Variants in PALLD observed in about 807,000 individuals in gnomAD.
PALLD encodes palladin.
PALLD carries 61 observed loss-of-function variants against 123.5 expected under a neutral mutation model. The ratio of observed to expected loss-of-function variants is 0.49; its 90% confidence interval spans 0.40 to 0.61. The LOEUF is 0.61. Among genes scored for constraint, PALLD ranks in the 20% least tolerant of loss-of-function variants. The probability of loss-of-function intolerance (pLI) is 0.00; values close to 1 mark genes in which losing one functional copy is unlikely to be tolerated. For missense variants in PALLD, 1,273 were observed against 1,377.0 expected, an observed-to-expected ratio of 0.92 and a Z score of 1.20; for synonymous variants, 465 against 496.4, an observed-to-expected ratio of 0.94 and a Z score of 0.84.
At chr4:168,738,847 G>T (rs1161115049) in intron 10 of PALLD, among the ~76,000 whole-genome samples, 2 of 151,288 alleles carry the variant, frequency 1.3e-5, no homozygotes, top group African/African-American at 4.9e-5. Context: ...ATTACAGATG[G>T]CAACATTAAT....
At chr4:168,816,824 G>C (rs1363619119) in intron 10 of PALLD, among the ~76,000 whole-genome samples, 2 of 3,598 alleles carry the variant, frequency 5.6e-4, no homozygotes, top group African/African-American at 4.2e-3. Context: ...CCCCGTGTGT[G>C]TGTGTGTGTG....
At chr4:168,573,867 T>A (rs541701040) in intron 2 of PALLD, among the ~76,000 whole-genome samples, 1 of 152,240 alleles carries the variant, frequency 6.6e-6, no homozygotes, top group Admixed American at 6.5e-5. Flanking sequence ...GATCACTATG[T>A]TCATTTATCC....
intron 10 of PALLD, among the ~76,000 whole-genome samples, chr4:168,791,226 A>T (rs1737476746): frequency 6.6e-6 from 1 of 152,122 alleles, no homozygotes; most frequent in African/African-American, 2.4e-5. Flanking sequence ...CCCTAATCAC[A>T]TGTCCCTCTG....
intron 1 of PALLD, among the ~76,000 whole-genome samples, chr4:168,507,856 T>A (rs1357733361): frequency 6.6e-6 from 1 of 152,194 alleles, no homozygotes. Flanking sequence ...TCCAGATAGA[T>A]TTCTGTTTAG....
At chr4:168,913,058 T>G (rs1269346186) in intron 15 of PALLD, among the ~76,000 whole-genome samples, 2 of 152,054 alleles carry the variant, frequency 1.3e-5, no homozygotes, top group Non-Finnish European at 2.9e-5. Flanking sequence ...CTCCTTATCA[T>G]CCCACGCATA....
At chr4:168,838,606 G>A (rs1359667918) in intron 10 of PALLD, among the ~76,000 whole-genome samples, 1 of 145,678 alleles carries the variant, frequency 6.9e-6, no homozygotes, top group Non-Finnish European at 1.5e-5. Context: ...TCCTTCCACA[G>A]TATATTGGAG....
intron 10 of PALLD, among the ~76,000 whole-genome samples, chr4:168,764,840 TG>T (rs1381453290): frequency 7.2e-5 from 11 of 152,144 alleles, no homozygotes; most frequent in Non-Finnish European, 1.6e-4. Flanking sequence ...TGGCTCCAGG[TG>T]TCAATAAACA....
intron 2 of PALLD, among the ~76,000 whole-genome samples, chr4:168,626,421 A>AAG (rs1561319309): frequency 1.4e-5 from 2 of 139,430 alleles, no homozygotes; most frequent in African/African-American, 2.7e-5. Context: ...AAAAAAAAAA[A>AAG]GGTGGTGACT....
At chr4:168,647,267 T>C (rs1238869002) in intron 2 of PALLD, among the ~76,000 whole-genome samples, 1 of 152,210 alleles carries the variant, frequency 6.6e-6, no homozygotes, top group African/African-American at 2.4e-5. Context: ...AGTTAGGATC[T>C]AGTAAGTTCT....
intron 2 of PALLD, among the ~76,000 whole-genome samples, chr4:168,556,196 C>A (rs1312117382): frequency 6.6e-6 from 1 of 151,952 alleles, no homozygotes; most frequent in Non-Finnish European, 1.5e-5. Flanking sequence ...CCCGGGTTCA[C>A]GCCATTCTCC....
intron 10 of PALLD, among the ~76,000 whole-genome samples, chr4:168,729,222 A>C (rs946621690): frequency 6.6e-6 from 1 of 152,060 alleles, no homozygotes; most frequent in African/African-American, 2.4e-5. Flanking sequence ...ATGGGCAACT[A>C]CTGTGCTTTT....
chr4:168,799,376 A>T (rs1027752036), intron 10 of PALLD, among the ~76,000 whole-genome samples: 1 of 152,192 alleles, frequency 6.6e-6, no homozygotes, highest in African/African-American at 2.4e-5. Flanking sequence ...TGCTTTGTCC[A>T]GGGTAGTCAG....
intron 2 of PALLD, among the ~76,000 whole-genome samples, chr4:168,574,144 A>T (rs1769284106): frequency 6.6e-6 from 1 of 152,132 alleles, no homozygotes; most frequent in South Asian, 2.1e-4. Flanking sequence ...TTGCATAGTT[A>T]AAAACATGAC....
At chr4:168,891,867 A>C (rs1754200929) in intron 11 of PALLD, among the ~76,000 whole-genome samples, 1 of 152,168 alleles carries the variant, frequency 6.6e-6, no homozygotes, top group African/African-American at 2.4e-5. Flanking sequence ...TCTACTAGAG[A>C]AACCATTGGG....
chr4:168,599,315 T>C (rs1388952390), intron 2 of PALLD, among the ~76,000 whole-genome samples: 2 of 152,212 alleles, frequency 1.3e-5, no homozygotes, highest in African/African-American at 4.8e-5. Context: ...TGGCTTACTA[T>C]AAATATTCCT....
At chr4:168,669,508 AG>A (rs2150019107) in intron 3 of PALLD, among the ~76,000 whole-genome samples, 1 of 152,286 alleles carries the variant, frequency 6.6e-6, no homozygotes, top group African/African-American at 2.4e-5. Flanking sequence ...GTAAGGAGGG[AG>A]GATTGCTTGA....
rs1406630226 is a variant in PALLD at position 168,501,149 on chromosome 4, G to A, written c.-83+3955G>A. ...ATGAAATAGCCAGGCCTGGTGGCTT[G>A]TGCCTGTAATCCCAGCAACTCAGGA... is the stretch of plus-strand genomic sequence containing the variant. On this transcript the variant is annotated intron_variant, in intron 1 of 21. Coordinates refer to ENST00000505667, the MANE Select transcript of PALLD (RefSeq NM_001166108.2). Among the ~76,000 whole-genome samples the A allele has an allele frequency of 2.6e-5, 4 of 152,262 alleles. No homozygotes were observed. In the East Asian group the frequency reaches 5.8e-4, roughly 22 times the overall value.
intron 10 of PALLD, among the ~76,000 whole-genome samples, chr4:168,718,795 A>G (rs1209746624): frequency 6.6e-6 from 1 of 152,184 alleles, no homozygotes; most frequent in Admixed American, 6.5e-5. Context: ...TCTATTTAGC[A>G]GTAGATTTTA....
intron 10 of PALLD, among the ~76,000 whole-genome samples, chr4:168,727,164 A>G (rs562031077): frequency 7.9e-5 from 12 of 152,296 alleles, no homozygotes; most frequent in African/African-American, 2.2e-4. Context: ...CTTTGCTACT[A>G]TGAATAGTGC....
Sources: gnomAD v4.1 joint callset for allele counts (sites outside exome capture counted in the v4.1 genomes callset) on GRCh38, gnomAD v4.1.1 for gene constraint, MANE v1.5 for transcripts, NCBI Gene and HGNC (gene_info 2026-07-23, HGNC 2026-07-21) for gene names.